The following AGO3 variants were observed in gnomAD, a reference collection of about 807,000 sequenced individuals.
The protein encoded by AGO3 is protein argonaute-3.
AGO3 carries 16 observed loss-of-function variants against 105.5 expected under a neutral mutation model. The ratio of observed to expected loss-of-function variants is 0.15; its 90% confidence interval spans 0.10 to 0.23. The LOEUF (loss-of-function observed/expected upper bound fraction) is 0.23. Among genes scored for constraint, AGO3 ranks in the 10% least tolerant of loss-of-function variants. The pLI is 1.00. For synonymous variants in AGO3, 340 were observed against 367.3 expected (o/e 0.93, Z 0.85); for missense variants, 534 against 1,088.0 (o/e 0.49, Z 7.16).
rs1482345332 is a variant in AGO3, at chr1:36,070,613, A to G, written c.*14868A>G. 6.6e-6 allele frequency: 1 copy of G among 152,214 alleles called. No homozygotes were observed. Among genetic ancestry groups the G allele is most frequent in the Non-Finnish European group, 1.5e-5 (1 of 68,030 alleles). The allele number at this position is 152,214 out of a possible 1,614,324, so 9.4% of individuals were successfully genotyped here. On this transcript the variant is annotated 3_prime_UTR_variant, in exon 19 of 19. Coordinates refer to ENST00000373191, the MANE Select transcript of AGO3 (RefSeq NM_024852.4). ...ATGGACGCATTCAACATTTACTTTT[A>G]TCTCCACAGATGCCAACCTCCCCTT... is the stretch of plus-strand genomic sequence containing the variant.
At chr1:35,971,578 C>A (rs1422174647) in intron 3 of AGO3, among the ~76,000 whole-genome samples, 1 of 151,968 alleles carries the variant, frequency 6.6e-6, no homozygotes, top group East Asian at 1.9e-4. Context: ...TCCCTCCCAT[C>A]CTTTGAAAGT....
intron 17 of AGO3, among the ~76,000 whole-genome samples, chr1:36,054,583 A>G (rs184308860): frequency 4.7e-4 from 72 of 152,302 alleles, no homozygotes; most frequent in African/African-American, 1.6e-3. Flanking sequence ...AATATTTATT[A>G]AAAAGTTCAA....
At chr1:35,944,152 A>T (rs1006243223) in intron 1 of AGO3, among the ~76,000 whole-genome samples, 28 of 152,238 alleles carry the variant, frequency 1.8e-4, no homozygotes, top group Admixed American at 2.6e-4. Flanking sequence ...TCATTTTTTG[A>T]GGAACCATCA....
rs1001904894 is a variant in AGO3, at chr1:35,951,139, C to T, written c.191+5276C>T. On this transcript the variant is annotated intron_variant, in intron 2 of 18. Coordinates refer to ENST00000373191, the MANE Select transcript of AGO3 (RefSeq NM_024852.4). ...CTAGCGTTTGTATTTTTAGTGGAGT[C>T]GGGGTTTCGCCATGTTGATCAGGCT... Among the ~76,000 whole-genome samples, 8 of 152,030 alleles carry T rather than the reference C, an allele frequency of 5.3e-5. No individual in the cohort carries two copies. In the East Asian group the frequency reaches 7.7e-4, roughly 15 times the overall value.
intron 1 of AGO3, 62 bp downstream of exon 1, chr1:35,931,507 C>A: frequency 7.5e-7 from 1 of 1,340,938 alleles, no homozygotes; most frequent in Non-Finnish European, 9.7e-7. Flanking sequence ...CTGAGCATCC[C>A]TGCTCCTCCC....
At chr1:36,053,935 G>T (rs149243240) in intron 17 of AGO3, among the ~76,000 whole-genome samples, 2,274 of 151,726 alleles carry the variant, frequency 0.015, 46 homozygotes, top group African/African-American at 0.052. Flanking sequence ...TTTTAGTAGA[G>T]ATGGGGTTTC....
rs1643076832 is a variant in AGO3 at position 36,065,182 on chromosome 1, A to G, written c.*9437A>G. ...ACTCCGTCTCAAAAAAAAAAAAAGC[A>G]AAATATTTTTGCTGTGATTGTATGT... On this transcript the variant is annotated 3_prime_UTR_variant, in exon 19 of 19. Coordinates refer to ENST00000373191, the MANE Select transcript of AGO3 (RefSeq NM_024852.4). 6.6e-6 allele frequency: 1 copy of G among 151,896 alleles called. No homozygotes were observed. Among genetic ancestry groups the G allele is most frequent in the Non-Finnish European group, 1.5e-5 (1 of 68,038 alleles). The allele number at this position is 151,896 out of a possible 1,614,324, so 9.4% of individuals were successfully genotyped here.
chr1:35,987,928 C>T (rs1378997764), intron 5 of AGO3, among the ~76,000 whole-genome samples: 1 of 151,886 alleles, frequency 6.6e-6, no homozygotes, highest in Non-Finnish European at 1.5e-5. Context: ...ATCAGCTGGG[C>T]ATGGTGGCGC....
rs769104506 is a variant in AGO3, at chr1:36,054,978, A to G, written c.2307A>G (p.Leu769=). 16 of 1,614,046 alleles carry G rather than the reference A, an allele frequency of 9.9e-6. No homozygotes were observed. The highest frequency in any genetic ancestry group is 1.7e-5 in the Admixed American group (1 of 59,996). Residue 769 remains leucine, a synonymous_variant, in exon 18 of 19, where the codon TTA becomes TTG. Transcript: ENST00000373191. ...GTCGTCCTTCACACTATCATGTTTTATGGGATGATAACTGCTTTACTGCAG... is the reference window on the plus strand; with the variant it reads ...GTCGTCCTTCACACTATCATGTTTTGTGGGATGATAACTGCTTTACTGCAG... ...GTSRPSHYHV[L]WDDNCFTADE... is the part of the protein sequence containing the mutation.
chr1:36,004,744 A>G (rs1640260839), intron 6 of AGO3, among the ~76,000 whole-genome samples: 1 of 152,170 alleles, frequency 6.6e-6, no homozygotes, highest in African/African-American at 2.4e-5. Context: ...AGAATGTCTC[A>G]TGGGAAAATG....
At chr1:36,038,974 A>C (rs1642131055) in intron 14 of AGO3, among the ~76,000 whole-genome samples, 1 of 152,200 alleles carries the variant, frequency 6.6e-6, no homozygotes, top group Non-Finnish European at 1.5e-5. Context: ...AAGAAAAATC[A>C]GTGGTTTGAA....
chr1:36,009,414 T>G, intron 8 of AGO3, 61 bp from the exon 9 acceptor site: 1 of 1,511,348 alleles, frequency 6.6e-7, no homozygotes, highest in Non-Finnish European at 8.9e-7. Context: ...TAATTGGCAC[T>G]AAGTAAGAGC....
intron 16 of AGO3, among the ~76,000 whole-genome samples, chr1:36,042,167 C>G (rs1198133573): frequency 6.6e-6 from 1 of 152,060 alleles, no homozygotes; most frequent in East Asian, 1.9e-4. Context: ...TCACTGCAGC[C>G]CCCACCTCCT....
At chr1:36,045,248 G>C (rs145522846) in intron 17 of AGO3, among the ~76,000 whole-genome samples, 3 of 151,764 alleles carry the variant, frequency 2.0e-5, no homozygotes, top group Non-Finnish European at 2.9e-5. Context: ...TTTTAACGGA[G>C]TCTCACTCTG....
chr1:35,995,241 A>G (rs1469932788), intron 5 of AGO3, among the ~76,000 whole-genome samples: 4 of 144,424 alleles, frequency 2.8e-5, no homozygotes, highest in Non-Finnish European at 4.5e-5. Context: ...TATATATTAT[A>G]TAAAATTGTC....
chr1:35,991,359 T>G (rs1228587729), intron 5 of AGO3, among the ~76,000 whole-genome samples: 2 of 152,046 alleles, frequency 1.3e-5, no homozygotes, highest in Non-Finnish European at 2.9e-5. Context: ...TGTCTCTTGA[T>G]TCTCACTGTT....
chr1:35,936,733 A>C (rs1646154479), intron 1 of AGO3, among the ~76,000 whole-genome samples: 1 of 152,140 alleles, frequency 6.6e-6, no homozygotes, highest in African/African-American at 2.4e-5. Context: ...AGACATTTTT[A>C]GATTAAAAAA....
At chr1:36,031,105 T>G (rs750419821) in intron 12 of AGO3, among the ~76,000 whole-genome samples, 1 of 152,220 alleles carries the variant, frequency 6.6e-6, no homozygotes, top group Non-Finnish European at 1.5e-5. Flanking sequence ...ATTAAGAATA[T>G]GAAAATACAA....
intron 5 of AGO3, among the ~76,000 whole-genome samples, chr1:35,975,250 A>G (rs1237689455): frequency 2.0e-5 from 3 of 152,174 alleles, no homozygotes; most frequent in African/African-American, 7.2e-5. Flanking sequence ...CTTTGCCACT[A>G]GAATCATCAA....
Sources: allele counts gnomAD v4.1 joint callset (sites outside exome capture counted in the v4.1 genomes callset), GRCh38; gene constraint gnomAD v4.1.1; transcripts MANE v1.5; gene names NCBI Gene and HGNC (gene_info 2026-07-23, HGNC 2026-07-21).